The following PRKN variants were observed in gnomAD, a reference collection of about 807,000 sequenced individuals.
PRKN encodes E3 ubiquitin-protein ligase parkin.
A neutral mutation model predicts 59.5 loss-of-function variants in PRKN; 56 were observed. The observed-to-expected ratio is 0.94, with a 90% confidence interval of 0.76 to 1.18. The LOEUF (loss-of-function observed/expected upper bound fraction) is 1.18. Ranked by LOEUF, PRKN falls within the 50% of genes most tolerant of loss-of-function variation. The pLI is 0.00. For missense variants in PRKN, 657 were observed against 596.4 expected, an observed-to-expected ratio of 1.10 and a Z score of -1.06; for synonymous variants, 250 against 222.1, an observed-to-expected ratio of 1.13 and a Z score of -1.12.
At chr6:161,833,738 T>C (rs1317255270) in intron 6 of PRKN, among the ~76,000 whole-genome samples, 1 of 152,120 alleles carries the variant, frequency 6.6e-6, no homozygotes, top group Non-Finnish European at 1.5e-5. Context: ...AGTAAGTTGT[T>C]GTGTCCGAGG....
At chr6:162,229,867 A>G (rs1193032019) in intron 3 of PRKN, among the ~76,000 whole-genome samples, 1 of 152,226 alleles carries the variant, frequency 6.6e-6, no homozygotes, top group Admixed American at 6.5e-5. Context: ...CTCAAATTAT[A>G]TAGCAAATTA....
chr6:161,782,768 C>T (rs1004932284), intron 7 of PRKN, among the ~76,000 whole-genome samples: 1 of 152,062 alleles, frequency 6.6e-6, no homozygotes, highest in Non-Finnish European at 1.5e-5. Context: ...GTGGCATGCA[C>T]CTGTAGTCCC....
At chr6:162,705,560 C>T (rs2128237588) in intron 1 of PRKN, among the ~76,000 whole-genome samples, 1 of 152,244 alleles carries the variant, frequency 6.6e-6, no homozygotes, top group Admixed American at 6.5e-5. Context: ...GGACAGCCAT[C>T]AGTCATGGAA....
At chr6:162,427,794 C>T (rs1789312193) in intron 2 of PRKN, among the ~76,000 whole-genome samples, 1 of 151,900 alleles carries the variant, frequency 6.6e-6, no homozygotes, top group African/African-American at 2.4e-5. Flanking sequence ...TACAGGCGCC[C>T]CAGACCACGC....
In PRKN at chr6:161,454,633, A is replaced by G. The variant is rs1357142642; in HGVS notation, c.1084-67756T>C. On this transcript the variant is annotated intron_variant, in intron 9 of 11. Transcript: ENST00000366898. This position sits in a 1 kb window ranked among gnomAD's most constrained non-coding sequence, Gnocchi z 4.6. The stretch of plus-strand genomic sequence containing the variant: ...TATTTTGGGGGAACTTTGCGCCAGC[A>G]TTGTAGTTATACTGAAATTTAGAAT... 6.6e-6 allele frequency among the ~76,000 whole-genome samples: 1 copy of G among 152,190 alleles called. No individual in the cohort carries two copies. Among genetic ancestry groups the G allele is most frequent in the Non-Finnish European group, 1.5e-5 (1 of 68,034 alleles).
intron 1 of PRKN, among the ~76,000 whole-genome samples, chr6:162,596,244 C>A (rs1432127408): frequency 6.6e-6 from 1 of 152,124 alleles, no homozygotes; most frequent in Non-Finnish European, 1.5e-5. Flanking sequence ...AATGGTTTAT[C>A]AATTTTTCTT....
intron 3 of PRKN, among the ~76,000 whole-genome samples, chr6:162,223,717 T>C (rs980035207): frequency 7.3e-5 from 11 of 151,700 alleles, no homozygotes; most frequent in Admixed American, 4.6e-4. Flanking sequence ...ACTACACATT[T>C]TCCTACCTTT....
intron 2 of PRKN, among the ~76,000 whole-genome samples, chr6:162,291,409 AT>A (rs1249921694): frequency 2.4e-5 from 3 of 123,896 alleles, no homozygotes; most frequent in Non-Finnish European, 3.4e-5. Flanking sequence ...GATGGGTGGG[AT>A]GGGGGGGAAG....
intron 1 of PRKN, among the ~76,000 whole-genome samples, chr6:162,707,601 C>A: frequency 6.8e-6 from 1 of 146,940 alleles, no homozygotes; most frequent in Non-Finnish European, 1.5e-5. Flanking sequence ...TTCCGAGACA[C>A]AGTCTGGCTG....
chr6:162,290,150 G>C (rs1414395190), intron 2 of PRKN, among the ~76,000 whole-genome samples: 1 of 152,128 alleles, frequency 6.6e-6, no homozygotes, highest in African/African-American at 2.4e-5. Flanking sequence ...TCCACAGACC[G>C]ACCATTGTCC....
At position 161,544,688 on chromosome 6, in the gene PRKN, G is replaced by T. The variant is rs991930421; in HGVS notation, c.1083+4166C>A. Among the ~76,000 whole-genome samples the T allele has an allele frequency of 3.3e-5, 5 of 152,112 alleles. No homozygotes were observed. Among genetic ancestry groups the T allele is most frequent in the African/African-American group, 4.8e-5 (2 of 41,432 alleles). ...TACTTTCAAATAATTCTTTATAATG[G>T]TAATAAATTTACTGGATCCACCCCA... On this transcript the variant is annotated intron_variant, in intron 9 of 11. Transcript: ENST00000366898. The surrounding 1 kb of genome is among the most constrained non-coding windows in gnomAD (Gnocchi z 5.5).
intron 4 of PRKN, among the ~76,000 whole-genome samples, chr6:162,135,994 A>G (rs1046656611): frequency 8.6e-5 from 13 of 151,976 alleles, no homozygotes; most frequent in Admixed American, 8.5e-4. Flanking sequence ...GAGTCCCTCA[A>G]CTGGAGTTCA....
At chr6:161,603,448 T>C (rs1163883392) in intron 7 of PRKN, among the ~76,000 whole-genome samples, 1 of 152,218 alleles carries the variant, frequency 6.6e-6, no homozygotes, top group Non-Finnish European at 1.5e-5. Flanking sequence ...ATAAAAGCTT[T>C]CCCTTCAATG....
intron 7 of PRKN, among the ~76,000 whole-genome samples, chr6:161,610,826 G>T (rs1782462179): frequency 6.6e-6 from 1 of 152,186 alleles, no homozygotes; most frequent in Non-Finnish European, 1.5e-5. Context: ...AGGTGCTTGT[G>T]TTGGAAAGAA....
At chr6:161,641,208 C>T (rs188345707) in intron 7 of PRKN, among the ~76,000 whole-genome samples, 1 of 152,314 alleles carries the variant, frequency 6.6e-6, no homozygotes, top group African/African-American at 2.4e-5. Context: ...TTGCAGGACA[C>T]AATAAATTAG....
At chr6:162,010,250 CATAATATATATTTTAT>C (rs1782444147) in intron 5 of PRKN, among the ~76,000 whole-genome samples, 1 of 115,552 alleles carries the variant, frequency 8.7e-6, no homozygotes. Flanking sequence ...ATTTATTATA[CATAATATATATTTTAT>C]ATATATTATG....
intron 5 of PRKN, among the ~76,000 whole-genome samples, chr6:161,984,316 G>A (rs1261539309): frequency 6.6e-6 from 1 of 152,104 alleles, no homozygotes; most frequent in Admixed American, 6.5e-5. Context: ...GGAGTGCAGA[G>A]GCGTGACCTT....
intron 7 of PRKN, among the ~76,000 whole-genome samples, chr6:161,733,605 C>G (rs979766940): frequency 6.6e-6 from 1 of 151,642 alleles, no homozygotes; most frequent in Non-Finnish European, 1.5e-5. Context: ...GAATATAAGA[C>G]TCGAGGTAAT....
chr6:161,569,598 G>A lies in PRKN; in HGVS notation c.872-182C>T, dbSNP rs150046961. Among the ~76,000 whole-genome samples the A allele has an allele frequency of 3.2e-3, 484 of 152,244 alleles. 5 individuals carry two copies. Among genetic ancestry groups the A allele is most frequent in the African/African-American group, 0.011 (449 of 41,532 alleles). ...CCAAACCCTCAAAAGAGCTATGGCC[G>A]CTGCCTGGCCTCCAACCGCACCTCT... On this transcript the variant is annotated intron_variant, in intron 7 of 11. Coordinates refer to ENST00000366898, the MANE Select transcript of PRKN (RefSeq NM_004562.3).
Sources: allele counts gnomAD v4.1 joint callset (sites outside exome capture counted in the v4.1 genomes callset), GRCh38; gene constraint gnomAD v4.1.1; non-coding constraint Gnocchi (gnomAD v3.1); transcripts MANE v1.5; gene names NCBI Gene and HGNC (gene_info 2026-07-23, HGNC 2026-07-21).